Variants in GRM5 observed in about 807,000 individuals in gnomAD.
GRM5 encodes glutamate metabotropic receptor 5, also known as metabotropic glutamate receptor 5.
Under a neutral mutation model 83.1 loss-of-function variants are expected in GRM5, and 19 were observed. That is an observed-to-expected ratio of 0.23 (90% CI 0.16 to 0.34). The LOEUF (loss-of-function observed/expected upper bound fraction) is 0.34. GRM5 is among the 10% of genes least tolerant of loss of function. The pLI, the probability that GRM5 is intolerant of heterozygous loss-of-function variation, is 1.00. For synonymous variants in GRM5, 675 were observed against 633.6 expected (o/e 1.07, Z -0.98); for missense variants, 1,160 against 1,588.3 (o/e 0.73, Z 4.58).
intron 3 of GRM5, among the ~76,000 whole-genome samples, chr11:88,840,741 T>G (rs1019602047): frequency 6.6e-6 from 1 of 152,226 alleles, no homozygotes; most frequent in African/African-American, 2.4e-5. Context: ...GTAATGAGCC[T>G]TTATGGTCCT....
chr11:88,660,151 G>A (rs1270089242), intron 3 of GRM5, among the ~76,000 whole-genome samples: 1 of 152,040 alleles, frequency 6.6e-6, no homozygotes, highest in East Asian at 1.9e-4. Flanking sequence ...CAGTCCATTG[G>A]GTTTTTCTCA....
chr11:88,536,330 A>G (rs1038315041), intron 8 of GRM5, among the ~76,000 whole-genome samples: 1 of 152,046 alleles, frequency 6.6e-6, no homozygotes, highest in East Asian at 1.9e-4. Flanking sequence ...ATTCCTTATT[A>G]GTCAGTGACA....
intron 3 of GRM5, among the ~76,000 whole-genome samples, chr11:88,686,415 C>T (rs1328167965): frequency 6.6e-6 from 1 of 152,166 alleles, no homozygotes; most frequent in African/African-American, 2.4e-5. Flanking sequence ...TGCCTTATCT[C>T]AGATGAGGCT....
chr11:88,771,315 G>A (rs1942731841), intron 3 of GRM5, among the ~76,000 whole-genome samples: 1 of 152,010 alleles, frequency 6.6e-6, no homozygotes, highest in Non-Finnish European at 1.5e-5. Flanking sequence ...TGCAAGCTGA[G>A]GAAAAAAGAA....
intron 9 of GRM5, among the ~76,000 whole-genome samples, chr11:88,514,213 T>A (rs1188278985): frequency 6.6e-6 from 1 of 152,198 alleles, no homozygotes; most frequent in Non-Finnish European, 1.5e-5. Context: ...TTCTCTCTGT[T>A]ATAATTATTT....
intron 2 of GRM5, among the ~76,000 whole-genome samples, chr11:88,854,405 C>T (rs1156713998): frequency 6.6e-6 from 1 of 151,648 alleles, no homozygotes; most frequent in African/African-American, 2.4e-5. Flanking sequence ...AAATATTTAC[C>T]CTGAGGACCC....
chr11:89,044,413 G>T (rs1165319862), intron 2 of GRM5, among the ~76,000 whole-genome samples: 6 of 152,102 alleles, frequency 3.9e-5, no homozygotes, highest in African/African-American at 1.2e-4. Flanking sequence ...ACAGGAAATA[G>T]CAAGTGTAAG....
intron 2 of GRM5, among the ~76,000 whole-genome samples, chr11:88,913,055 A>G (rs1945526671): frequency 6.6e-6 from 1 of 152,180 alleles, no homozygotes; most frequent in African/African-American, 2.4e-5. Flanking sequence ...GGGCCTTGCA[A>G]ATTATGTAGC....
intron 3 of GRM5, among the ~76,000 whole-genome samples, chr11:88,714,478 G>C (rs1391875): frequency 0.22 from 32,929 of 151,882 alleles, 3,764 homozygotes; most frequent in Middle Eastern, 0.28. Context: ...TAGAGACATT[G>C]TTAAAAAAGT....
chr11:88,626,276 C>T (rs1035603743), intron 4 of GRM5, among the ~76,000 whole-genome samples: 29 of 152,140 alleles, frequency 1.9e-4, no homozygotes, highest in Non-Finnish European at 2.4e-4. Flanking sequence ...CATTCTTAAA[C>T]GTTGCTTTTA....
intron 3 of GRM5, among the ~76,000 whole-genome samples, chr11:88,728,416 T>C (rs1403285334): frequency 1.3e-5 from 2 of 151,858 alleles, no homozygotes; most frequent in African/African-American, 4.8e-5. Context: ...CAGGACCAGA[T>C]GGATTCACAA....
At chr11:89,013,675 A>C (rs1940770634) in intron 2 of GRM5, among the ~76,000 whole-genome samples, 1 of 152,206 alleles carries the variant, frequency 6.6e-6, no homozygotes, top group Admixed American at 6.5e-5. Flanking sequence ...AAAGCTATTT[A>C]TCTTCTCATG....
chr11:88,719,507 G>A (rs1941483933), intron 3 of GRM5, among the ~76,000 whole-genome samples: 1 of 152,030 alleles, frequency 6.6e-6, no homozygotes, highest in African/African-American at 2.4e-5. Context: ...ATTGCTAATA[G>A]GGCTGCAATG....
At chr11:88,616,199 T>G (rs1938475353) in intron 4 of GRM5, among the ~76,000 whole-genome samples, 1 of 152,096 alleles carries the variant, frequency 6.6e-6, no homozygotes, top group Admixed American at 6.6e-5. Context: ...GTTTTGTTAA[T>G]AATAATATGA....
At chr11:88,636,509 G>C (rs1939126738) in intron 4 of GRM5, among the ~76,000 whole-genome samples, 1 of 150,906 alleles carries the variant, frequency 6.6e-6, no homozygotes, top group Non-Finnish European at 1.5e-5. Flanking sequence ...CTGGGTGACA[G>C]AGCGAGACTG....
chr11:88,836,881 T>C (rs1459313168), intron 3 of GRM5, among the ~76,000 whole-genome samples: 4 of 152,200 alleles, frequency 2.6e-5, no homozygotes. Context: ...GCAAATGTTT[T>C]TGACTGGAAT....
chr11:88,825,768 T>C (rs12283061), intron 3 of GRM5, among the ~76,000 whole-genome samples: 3,879 of 152,286 alleles, frequency 0.025, 174 homozygotes, highest in African/African-American at 0.089. Context: ...ATTATCACTG[T>C]TTGCCTATTT....
intron 3 of GRM5, among the ~76,000 whole-genome samples, chr11:88,710,479 A>T (rs1173354496): frequency 1.3e-5 from 2 of 152,076 alleles, no homozygotes; most frequent in Non-Finnish European, 2.9e-5. Context: ...TTACTAATTA[A>T]GTTTTTCTTT....
chr11:89,044,893 C>A (rs1383369832), intron 2 of GRM5, among the ~76,000 whole-genome samples: 1 of 151,566 alleles, frequency 6.6e-6, no homozygotes, highest in Non-Finnish European at 1.5e-5. Context: ...CCCACAGTAC[C>A]CAACAAAGCT....
Sources: gnomAD v4.1 joint callset for allele counts (sites outside exome capture counted in the v4.1 genomes callset) on GRCh38, gnomAD v4.1.1 for gene constraint, MANE v1.5 for transcripts, NCBI Gene and HGNC (gene_info 2026-07-23, HGNC 2026-07-21) for gene names.